The following TAF1 variants were observed in gnomAD, a reference collection of about 807,000 sequenced individuals.
TAF1 encodes TATA-box binding protein associated factor 1.
Under a neutral mutation model 138.5 loss-of-function variants are expected in TAF1, and 2 were observed. The observed-to-expected ratio is 0.01, with a 90% CI of 0.01 to 0.05. The LOEUF (loss-of-function observed/expected upper bound fraction) is 0.05. TAF1 is among the 10% of genes least tolerant of loss of function. The pLI is 1.00. For missense variants in TAF1, 709 were observed against 1,478.0 expected, an observed-to-expected ratio of 0.48 and a Z score of 8.53; for synonymous variants, 437 against 503.2, an observed-to-expected ratio of 0.87 and a Z score of 1.76.
intron 13 of TAF1, among the ~76,000 whole-genome samples, chrX:71,472,471 G>A (rs747056378): frequency 1.6e-4 from 18 of 111,803 alleles, no homozygotes; most frequent in African/African-American, 4.9e-4. Flanking sequence ...GGTGGCTCAC[G>A]CCTGTAATCC....
intron 27 of TAF1, 125 bp downstream of exon 27, chrX:71,407,797 A>C: frequency 1.0e-6 from 1 of 953,353 alleles, no homozygotes; most frequent in Non-Finnish European, 1.4e-6. Context: ...TTAGGGAGTT[A>C]GTTTTTTTTG....
chrX:71,481,855 C>A (rs1427586774), intron 13 of TAF1, among the ~76,000 whole-genome samples: 4 of 112,178 alleles, frequency 3.6e-5, no homozygotes, highest in Non-Finnish European at 5.6e-5. Context: ...CTGCGCCCGG[C>A]CTATTGATGG....
chrX:71,458,755 G>A (rs2038417131), intron 35 of TAF1, among the ~76,000 whole-genome samples: 1 of 111,506 alleles, frequency 9.0e-6, no homozygotes, highest in Non-Finnish European at 1.9e-5. Flanking sequence ...TTAAAAATTG[G>A]CCTTTTCTAG....
chrX:71,524,671 G>A (rs190933840), intron 13 of TAF1, among the ~76,000 whole-genome samples: 3,161 of 109,136 alleles, frequency 0.029, 72 homozygotes, highest in East Asian at 0.12. Flanking sequence ...GGCTGGGTGT[G>A]GTGGCTCACG....
At chrX:71,402,551 A>C (rs892620077) in intron 25 of TAF1, among the ~76,000 whole-genome samples, 2 of 112,212 alleles carry the variant, frequency 1.8e-5, no homozygotes, top group Non-Finnish European at 3.8e-5. Flanking sequence ...GTAGTGTTCT[A>C]ATAAAGGACC....
chrX:71,434,206 T>A (rs2037027839), intron 32 of TAF1, among the ~76,000 whole-genome samples: 1 of 111,905 alleles, frequency 8.9e-6, no homozygotes, highest in South Asian at 3.7e-4. Context: ...CTAAAAAAAT[T>A]TTTTAAATTA....
chrX:71,372,356 C>T (rs774778576), intron 3 of TAF1, among the ~76,000 whole-genome samples: 9 of 103,704 alleles, frequency 8.7e-5, no homozygotes, highest in East Asian at 3.0e-4. Flanking sequence ...CGCTTGAACC[C>T]GGGAGGCAGA....
At position 71,423,300 on chromosome X, in the gene TAF1, G is replaced by T. The variant is rs949812337; in HGVS notation, c.4575+61G>T. On this transcript the variant is annotated intron_variant, in intron 30 of 37. Coordinates refer to ENST00000423759, the MANE Select transcript of TAF1 (RefSeq NM_004606.5). ...TGCAGGGGAAAGGAAAAATGTTTAG[G>T]GTGTACACGTGTGTGTATTTTGGAG... is the stretch of plus-strand genomic sequence containing the variant. 3 of 1,200,139 alleles carry T rather than the reference G, an allele frequency of 2.5e-6. No homozygotes were observed. The Admixed American group carries it at 6.6e-5, about 26-fold the overall frequency.
At chrX:71,486,434 C>T (rs913187156) in intron 13 of TAF1, among the ~76,000 whole-genome samples, 1 of 110,177 alleles carries the variant, frequency 9.1e-6, no homozygotes, top group African/African-American at 3.3e-5. Flanking sequence ...TCATAGCTCA[C>T]TGCAGCACCA....
chrX:71,524,011 T>C (rs2039949863), intron 13 of TAF1, among the ~76,000 whole-genome samples: 1 of 108,174 alleles, frequency 9.2e-6, no homozygotes, highest in South Asian at 3.9e-4. Flanking sequence ...TTCACAACTG[T>C]AATAGTTCTT....
intron 32 of TAF1, among the ~76,000 whole-genome samples, chrX:71,450,016 T>C (rs2037883488): frequency 9.0e-6 from 1 of 111,429 alleles, no homozygotes; most frequent in Non-Finnish European, 1.9e-5. Context: ...CAAGTGATCA[T>C]CCTGCCCAGC....
intron 32 of TAF1, among the ~76,000 whole-genome samples, chrX:71,453,823 G>A (rs867205318): frequency 9.0e-6 from 1 of 111,284 alleles, no homozygotes; most frequent in Non-Finnish European, 1.9e-5. Context: ...GGCCAACATG[G>A]TGAAACCTAG....
chrX:71,504,741 C>CAAAAAAAAAAAAAAAAAAAAAAAAAAA (rs41370846), intron 13 of TAF1, among the ~76,000 whole-genome samples: 25 of 5,712 alleles, frequency 4.4e-3, no homozygotes, highest in Non-Finnish European at 5.9e-3. Context: ...GACCCTGTCT[C>CAAAAAAAAAAAAAAAAAAAAAAAAAAA]AAAAAAAAAA....
chrX:71,421,198 G>A (rs2148592563), intron 28 of TAF1, 111 bp from the exon 29 acceptor site: 1 of 642,115 alleles, frequency 1.6e-6, no homozygotes. Flanking sequence ...CAGTTAGCCT[G>A]GTGCCTGACA....
intron 32 of TAF1, among the ~76,000 whole-genome samples, chrX:71,429,900 C>T (rs1569338973): frequency 9.0e-6 from 1 of 111,065 alleles, no homozygotes; most frequent in African/African-American, 3.3e-5. Flanking sequence ...TTGGTGGAAA[C>T]ATAAATTAGT....
At chrX:71,486,079 G>A (rs1204129492) in intron 13 of TAF1, among the ~76,000 whole-genome samples, 1 of 109,736 alleles carries the variant, frequency 9.1e-6, no homozygotes, top group Non-Finnish European at 1.9e-5. Context: ...GGGTTCAAGC[G>A]ATTCTCGTGC....
At position 71,392,860 on chromosome X, in the gene TAF1, T is replaced by C; in HGVS notation, c.2932-15T>C. 8.3e-7 allele frequency: 1 copy of C among 1,207,359 alleles called. No homozygotes were observed. Among genetic ancestry groups the C allele is most frequent in the Non-Finnish European group, 1.1e-6 (1 of 893,766 alleles). ...TCAGGTTTTTAGGAGTCTCACTTTT[T>C]TTTGTTTGAGGTAGGATGATAAAGA... On this transcript the variant is annotated splice_polypyrimidine_tract_variant and intron_variant, in intron 19 of 37. Transcript: ENST00000423759.
At chrX:71,468,269 A>G (rs1398506788), downstream of TAF1, among the ~76,000 whole-genome samples, 2 of 109,571 alleles carry the variant, frequency 1.8e-5, no homozygotes, top group African/African-American at 6.7e-5. Flanking sequence ...GAGAAAAAAG[A>G]ATTTTCATAC....
intron 32 of TAF1, among the ~76,000 whole-genome samples, chrX:71,452,429 C>T (rs1180716020): frequency 7.2e-5 from 8 of 110,414 alleles, no homozygotes; most frequent in Non-Finnish European, 1.3e-4. Flanking sequence ...GACGGGGTGG[C>T]GGGGCAGAGG....
Sources: gnomAD v4.1 joint callset for allele counts (sites outside exome capture counted in the v4.1 genomes callset) on GRCh38, gnomAD v4.1.1 for gene constraint, MANE v1.5 for transcripts, NCBI Gene and HGNC (gene_info 2026-07-23, HGNC 2026-07-21) for gene names.